SLC14A2: variants seen among roughly 807,000 people sequenced by gnomAD.
SLC14A2 encodes urea transporter 2.
Under a neutral mutation model 104.6 loss-of-function variants are expected in SLC14A2, and 91 were observed. The observed-to-expected ratio is 0.87, with a 90% CI of 0.73 to 1.04. The LOEUF is 1.04. Ranked by LOEUF, SLC14A2 falls within the 50% of genes least tolerant of loss-of-function variation. The probability of loss-of-function intolerance (pLI) is 0.00; values close to 1 mark genes in which losing one functional copy is unlikely to be tolerated. For missense variants in SLC14A2, 1,189 were observed against 1,156.0 expected (o/e 1.03, Z -0.41); for synonymous variants, 476 against 466.4 (o/e 1.02, Z -0.27).
intron 9 of SLC14A2, among the ~76,000 whole-genome samples, 176 bp from the exon 10 acceptor site, chr18:45,643,810 T>A (rs115824499): frequency 6.6e-6 from 1 of 152,164 alleles, no homozygotes; most frequent in Admixed American, 6.5e-5. Context: ...AGCCACTGCA[T>A]CCAGCCCTAA....
At chr18:45,414,429 GT>G (rs1197404992) in intron 1 of SLC14A2, among the ~76,000 whole-genome samples, 1 of 152,064 alleles carries the variant, frequency 6.6e-6, no homozygotes, top group African/African-American at 2.4e-5. Context: ...CTCTTCTGAA[GT>G]ACCCAACAAT....
At chr18:45,389,446 G>A (rs2085936641) in intron 1 of SLC14A2, among the ~76,000 whole-genome samples, 2 of 152,142 alleles carry the variant, frequency 1.3e-5, no homozygotes, top group South Asian at 4.1e-4. Context: ...TATTCATCAA[G>A]TCATACTATT....
chr18:45,342,187 A>G (rs1197162655), intron 1 of SLC14A2, among the ~76,000 whole-genome samples: 1 of 152,222 alleles, frequency 6.6e-6, no homozygotes, highest in Non-Finnish European at 1.5e-5. Flanking sequence ...ACATTGTTGA[A>G]CAGAACTGTG....
At chr18:45,179,235 TC>T in the SLC14A2 span, among the ~76,000 whole-genome samples, 7 of 152,084 alleles carry the variant, frequency 4.6e-5, no homozygotes, top group Non-Finnish European at 1.0e-4. Flanking sequence ...CACCAAACAA[TC>T]TATTTGCATC....
intron 5 of SLC14A2, chr18:45,634,681 T>A: frequency 2.7e-6 from 1 of 369,522 alleles, no homozygotes; most frequent in Non-Finnish European, 5.4e-6. Flanking sequence ...AGGTACTCGA[T>A]GAGAGTCAGA....
chr18:45,636,776 T>C (rs535710116), intron 5 of SLC14A2, among the ~76,000 whole-genome samples: 24 of 151,160 alleles, frequency 1.6e-4, no homozygotes, highest in Admixed American at 5.2e-4. Context: ...CAGATGACAA[T>C]AAATTGGCAA....
At chr18:45,264,693 A>T (rs771234093) in intron 1 of SLC14A2, among the ~76,000 whole-genome samples, 1 of 152,154 alleles carries the variant, frequency 6.6e-6, no homozygotes, top group Non-Finnish European at 1.5e-5. Flanking sequence ...AGATCTCGTG[A>T]GACTTATTCA....
At chr18:45,506,980 T>C (rs1196127793) in intron 2 of SLC14A2, among the ~76,000 whole-genome samples, 1 of 152,210 alleles carries the variant, frequency 6.6e-6, no homozygotes, top group African/African-American at 2.4e-5. Flanking sequence ...TCACCAGCTA[T>C]ATACCCTGGA....
At chr18:45,285,992 A>G (rs779322149) in intron 1 of SLC14A2, among the ~76,000 whole-genome samples, 3 of 152,166 alleles carry the variant, frequency 2.0e-5, no homozygotes, top group Non-Finnish European at 2.9e-5. Context: ...TGCTAATTTT[A>G]AAAAGCTCCC....
At chr18:45,432,040 C>A (rs2612557) in intron 1 of SLC14A2, among the ~76,000 whole-genome samples, 1 of 151,982 alleles carries the variant, frequency 6.6e-6, no homozygotes, top group Non-Finnish European at 1.5e-5. Flanking sequence ...GAAAACTGAG[C>A]GCAGGGCTTC....
At chr18:45,514,710 G>A (rs2043412844) in intron 2 of SLC14A2, among the ~76,000 whole-genome samples, 1 of 152,120 alleles carries the variant, frequency 6.6e-6, no homozygotes, top group African/African-American at 2.4e-5. Context: ...TCTATGATGT[G>A]CAAGCTTTCA....
At chr18:45,545,162 C>T (rs762664402) in intron 2 of SLC14A2, among the ~76,000 whole-genome samples, 1 of 152,216 alleles carries the variant, frequency 6.6e-6, no homozygotes, top group Non-Finnish European at 1.5e-5. Context: ...AAGCTAAACA[C>T]CATCTGCGGA....
chr18:45,195,422 T>C, the SLC14A2 span, among the ~76,000 whole-genome samples: 5 of 152,068 alleles, frequency 3.3e-5, no homozygotes, highest in South Asian at 2.1e-4. Flanking sequence ...GACTAAGTCT[T>C]GCTCTGTTGC....
chr18:45,577,644 G>T (rs1401805281), intron 2 of SLC14A2, among the ~76,000 whole-genome samples: 1 of 152,140 alleles, frequency 6.6e-6, no homozygotes, highest in Non-Finnish European at 1.5e-5. Context: ...GCTAGACAGG[G>T]TGATACTGTT....
chr18:45,485,234 C>A (rs2087578558), intron 2 of SLC14A2: 1 of 152,154 alleles, frequency 6.6e-6, no homozygotes, highest in Admixed American at 6.5e-5. Context: ...GGTTCTCAAA[C>A]CCTGGCCTTT....
chr18:45,278,173 A>G (rs2144135179), intron 1 of SLC14A2, among the ~76,000 whole-genome samples: 1 of 152,340 alleles, frequency 6.6e-6, no homozygotes, highest in Middle Eastern at 3.4e-3. Flanking sequence ...AGATGAATCA[A>G]TGACTTCCTC....
intron 1 of SLC14A2, among the ~76,000 whole-genome samples, chr18:45,433,078 A>G (rs1030838457): frequency 2.0e-5 from 3 of 152,020 alleles, no homozygotes; most frequent in Non-Finnish European, 2.9e-5. Flanking sequence ...TCACTTCCTC[A>G]AAACAATTAT....
At chr18:45,641,522 C>T (rs140525995) in intron 8 of SLC14A2, among the ~76,000 whole-genome samples, 179 bp downstream of exon 8, 40 of 152,266 alleles carry the variant, frequency 2.6e-4, no homozygotes, top group African/African-American at 9.6e-4. Flanking sequence ...CCTTTTCTGT[C>T]AAATGGGATC....
At chr18:45,358,208 G>T (rs1223298263) in intron 1 of SLC14A2, among the ~76,000 whole-genome samples, 1 of 152,152 alleles carries the variant, frequency 6.6e-6, no homozygotes, top group Non-Finnish European at 1.5e-5. Context: ...TGGTTTCCCT[G>T]GCAGAAGCCT....
Sources: allele counts gnomAD v4.1 joint callset (sites outside exome capture counted in the v4.1 genomes callset), GRCh38; gene constraint gnomAD v4.1.1; transcripts MANE v1.5; gene names NCBI Gene and HGNC (gene_info 2026-07-23, HGNC 2026-07-21).